MYO10: variants seen among roughly 807,000 people sequenced by gnomAD.
The protein encoded by MYO10 is unconventional myosin-X.
In MYO10, 133 loss-of-function variants were observed where a neutral mutation model predicts 257.3. The ratio of observed to expected loss-of-function variants is 0.52; its 90% CI spans 0.45 to 0.60. The LOEUF (loss-of-function observed/expected upper bound fraction) is 0.60. Among genes scored for constraint, MYO10 ranks in the 20% least tolerant of loss-of-function variants. The probability of loss-of-function intolerance (pLI) is 0.00; values close to 1 mark genes in which losing one functional copy is unlikely to be tolerated. For synonymous variants in MYO10, 1,104 were observed against 1,028.6 expected, an observed-to-expected ratio of 1.07 and a Z score of -1.40; for missense variants, 2,399 against 2,635.7, an observed-to-expected ratio of 0.91 and a Z score of 1.97.
intron 2 of MYO10, among the ~76,000 whole-genome samples, chr5:16,835,490 C>CGGT (rs1743283591): frequency 1.6e-5 from 1 of 63,234 alleles, no homozygotes; most frequent in Non-Finnish European, 3.3e-5. Context: ...TCATTTTTGG[C>CGGT]TGTTTTTTTT....
intron 1 of MYO10, among the ~76,000 whole-genome samples, chr5:16,907,039 G>C (rs1021801615): frequency 1.3e-5 from 2 of 151,968 alleles, no homozygotes; most frequent in African/African-American, 4.8e-5. Context: ...ACTTGAACCC[G>C]GAAGGTGGAG....
At chr5:16,684,488 T>C (rs27999) in intron 29 of MYO10, among the ~76,000 whole-genome samples, 92,721 of 152,064 alleles carry the variant, frequency 0.61, 29,333 homozygotes, top group African/African-American at 0.78. Context: ...AAGTGATCCA[T>C]CCGCCTTGGC....
Position 16,665,726 on chromosome 5 carries a change from AG to A in MYO10, c.*965del, listed in dbSNP as rs1736135791. ...ACTTTGTTTTTAACTTAAATCTTTT[AG>A]ACATGAAAGACTCCAAAATGACTTC... is the stretch of plus-strand genomic sequence containing the variant. On this transcript the variant is annotated 3_prime_UTR_variant, in exon 41 of 41. Transcript: ENST00000513610. 6.6e-6 allele frequency: 1 copy of A among 152,616 alleles called. No individual in the cohort carries two copies. 9.5% of individuals were successfully genotyped at this position (152,616 alleles called of 1,614,324 possible).
chr5:16,757,608 T>C (rs1328896301), intron 18 of MYO10, among the ~76,000 whole-genome samples: 1 of 152,170 alleles, frequency 6.6e-6, no homozygotes, highest in Non-Finnish European at 1.5e-5. Flanking sequence ...TTTATTTTTT[T>C]AAAAAGGATC....
chr5:16,922,121 G>A (rs1040482460), intron 1 of MYO10, among the ~76,000 whole-genome samples: 1 of 151,882 alleles, frequency 6.6e-6, no homozygotes, highest in Admixed American at 6.6e-5. Context: ...GGCTGAGGCA[G>A]GCAAATCACT....
chr5:16,662,185 A>T lies in MYO10; in HGVS notation c.*4507T>A, dbSNP rs1736008413. On this transcript the variant is annotated 3_prime_UTR_variant, in exon 41 of 41. Transcript: ENST00000513610. ...GAATAGGGATTTTCAAATTAATTAA[A>T]GCGCTTATTTTTATACCCAATACAC... The T allele has an allele frequency of 6.6e-6, 1 of 152,006 alleles. No homozygotes were observed. The highest frequency in any genetic ancestry group is 2.1e-4 in the South Asian group (1 of 4,832). 9.4% of individuals were successfully genotyped at this position (152,006 alleles called of 1,614,324 possible).
At chr5:16,733,172 A>G (rs1445570437) in intron 19 of MYO10, among the ~76,000 whole-genome samples, 2 of 152,096 alleles carry the variant, frequency 1.3e-5, no homozygotes, top group African/African-American at 2.4e-5. Context: ...AACAACAAAA[A>G]TACACACACT....
chr5:16,735,988 T>C (rs1422718735), intron 19 of MYO10, among the ~76,000 whole-genome samples: 1 of 152,220 alleles, frequency 6.6e-6, no homozygotes, highest in Non-Finnish European at 1.5e-5. Context: ...TTCCAGGTAC[T>C]GCTGCTAGTT....
At chr5:16,915,923 C>T (rs973166556) in intron 1 of MYO10, 18 of 415,272 alleles carry the variant, frequency 4.3e-5, no homozygotes, top group African/African-American at 3.3e-4. Flanking sequence ...CGCCACTGCA[C>T]TCCAGCCTGG....
intron 4 of MYO10, among the ~76,000 whole-genome samples, chr5:16,788,040 C>T (rs1017368629): frequency 2.6e-5 from 4 of 152,116 alleles, no homozygotes; most frequent in East Asian, 1.9e-4. Flanking sequence ...GTGATCTACC[C>T]GCCTCGGCCT....
chr5:16,936,016 G>A lies in MYO10; in HGVS notation c.-208C>T. On this transcript the variant is annotated 5_prime_UTR_variant, in exon 1 of 41. Transcript: ENST00000513610. ...AAGTCCCTAACTCGCCCGTCCCGAC[G>A]GCAGCCTTTGTCTCTTCTTCCTCCA... 1.6e-6 allele frequency: 1 copy of A among 608,600 alleles called. No individual in the cohort carries two copies. Among genetic ancestry groups the A allele is most frequent in the Non-Finnish European group, 2.9e-6 (1 of 342,946 alleles). The allele number at this position is 608,600 out of a possible 1,614,324, so 37.7% of individuals were successfully genotyped here.
Position 16,708,501 on chromosome 5 carries a change from T to C in MYO10, c.2169+2407A>G, listed in dbSNP as rs959680059. 3.3e-5 allele frequency among the ~76,000 whole-genome samples: 5 copies of C among 152,196 alleles called. No homozygotes were observed. The East Asian group carries it at 9.6e-4, about 29-fold the overall frequency. The stretch of plus-strand genomic sequence containing the variant: ...GACTGTTAATGGCTGGGTTGAGTTT[T>C]AATGATCTCTAATGTTACTCCACTG... On this transcript the variant is annotated intron_variant, in intron 21 of 40. Transcript: ENST00000513610.
intron 1 of MYO10, among the ~76,000 whole-genome samples, chr5:16,907,488 C>T (rs1401547684): frequency 6.6e-6 from 1 of 152,050 alleles, no homozygotes; most frequent in Non-Finnish European, 1.5e-5. Context: ...GATTGCATTT[C>T]CCTTTAGAGT....
intron 40 of MYO10, 140 bp from the exon 41 acceptor site, chr5:16,666,933 A>G: frequency 3.0e-6 from 2 of 663,836 alleles, no homozygotes; most frequent in Non-Finnish European, 5.1e-6. Flanking sequence ...GCAGGAAGCC[A>G]GAAGTTTAAC....
At chr5:16,858,557 G>C (rs903375705) in intron 2 of MYO10, among the ~76,000 whole-genome samples, 2 of 151,960 alleles carry the variant, frequency 1.3e-5, no homozygotes, top group Non-Finnish European at 2.9e-5. Context: ...TCAATCCTCC[G>C]AGGTAACCAT....
Position 16,758,119 on chromosome 5 carries a change from T to C in MYO10, c.1847A>G (p.Lys616Arg). The C allele has an allele frequency of 3.1e-6, 5 of 1,602,228 alleles. No homozygotes were observed. Among genetic ancestry groups the C allele is most frequent in the Non-Finnish European group, 4.3e-6 (5 of 1,169,230 alleles). The change falls in exon 18 of 41, where the codon AAG becomes AGG. Residue 616 changes from lysine (K) to arginine (R), a missense_variant and splice_region_variant. Lys to Arg is a conservative substitution (Grantham distance 26, BLOSUM62 2). Coordinates refer to ENST00000513610, the MANE Select transcript of MYO10 (RefSeq NM_012334.3). ...HRRPTVSSQFKDSLHSLMATL... is the reference protein window; with the variant it reads ...HRRPTVSSQFRDSLHSLMATL... Reference sequence around the variant, plus strand: ...TCTAAGCCAGCAGTGAAAACGAACCTTGAACTGTGAGCTGACTGTAGGCCG... The same window carrying C: ...TCTAAGCCAGCAGTGAAAACGAACCCTGAACTGTGAGCTGACTGTAGGCCG...
At position 16,804,601 on chromosome 5, in the gene MYO10, A is replaced by G. The variant is rs544508091; in HGVS notation, c.280-9768T>C. On this transcript the variant is annotated intron_variant, in intron 3 of 40. Transcript: ENST00000513610. The stretch of plus-strand genomic sequence containing the variant: ...AGAAAGACAAATTATGGTCGCGCGC[A>G]GAGGCTCCGGCCTGTAATCCCAGCA... 1.7e-4 allele frequency among the ~76,000 whole-genome samples: 26 copies of G among 152,298 alleles called. No individual in the cohort carries two copies. The South Asian group carries it at 5.4e-3, about 32-fold the overall frequency.
intron 34 of MYO10, 69 bp from the exon 35 acceptor site, chr5:16,675,219 C>A: frequency 6.6e-7 from 1 of 1,524,006 alleles, no homozygotes; most frequent in Non-Finnish European, 8.9e-7. Context: ...ATAATCGGAG[C>A]AGTAGTCAAG....
rs1738165578 is a variant in MYO10 at position 16,703,161 on chromosome 5, G to A, written c.2277-3C>T. The A allele has an allele frequency of 1.3e-6, 2 of 1,573,462 alleles. No homozygotes were observed. The highest frequency in any genetic ancestry group is 2.3e-5 in the East Asian group (1 of 44,246). The stretch of plus-strand genomic sequence containing the variant: ...AAAGGACCTTTCTGTATTGTTTTCT[G>A]AAAATGAAAGAAAACAAGAGAATCG... On this transcript the variant is annotated splice_polypyrimidine_tract_variant and splice_region_variant and intron_variant, in intron 22 of 40. Coordinates refer to ENST00000513610, the MANE Select transcript of MYO10 (RefSeq NM_012334.3).
Sources: gnomAD v4.1 joint callset for allele counts (sites outside exome capture counted in the v4.1 genomes callset) on GRCh38, gnomAD v4.1.1 for gene constraint, MANE v1.5 for transcripts, NCBI Gene and HGNC (gene_info 2026-07-23, HGNC 2026-07-21) for gene names.